The following MARCHF1 variants were observed in gnomAD, a reference collection of about 807,000 sequenced individuals.
MARCHF1 encodes the protein membrane associated ring-CH-type finger 1.
MARCHF1 carries 40 observed loss-of-function variants against 54.2 expected under a neutral mutation model. The ratio of observed to expected loss-of-function variants is 0.74; its 90% CI spans 0.57 to 0.96. MARCHF1 has a LOEUF of 0.96. MARCHF1 is among the 40% of genes least tolerant of loss of function. The pLI is 0.00. For missense variants in MARCHF1, 586 were observed against 656.5 expected, an observed-to-expected ratio of 0.89 and a Z score of 1.17; for synonymous variants, 236 against 236.3, an observed-to-expected ratio of 1.00 and a Z score of 0.01.
chr4:164,169,431 T>C (rs769277777), intron 1 of MARCHF1, among the ~76,000 whole-genome samples: 2 of 152,032 alleles, frequency 1.3e-5, no homozygotes, highest in Non-Finnish European at 2.9e-5. Flanking sequence ...GTGAAGCCAG[T>C]TAAAGGCTTT....
chr4:164,018,491 G>A (rs1303955822), intron 2 of MARCHF1, among the ~76,000 whole-genome samples: 1 of 151,722 alleles, frequency 6.6e-6, no homozygotes, highest in Admixed American at 6.6e-5. Flanking sequence ...TCAATAATAG[G>A]AAGACAATCT....
At chr4:164,156,659 C>T (rs1384290707) in intron 1 of MARCHF1, among the ~76,000 whole-genome samples, 1 of 152,210 alleles carries the variant, frequency 6.6e-6, no homozygotes, top group African/African-American at 2.4e-5. Context: ...TGAGCTCAAG[C>T]AATCCACTCA....
rs752328125 is a variant in MARCHF1, at chr4:163,585,770, G to C, written c.1170C>G (p.Thr390=). 6.2e-7 allele frequency: 1 copy of C among 1,607,948 alleles called. No individual in the cohort carries two copies. Among genetic ancestry groups the C allele is most frequent in the Non-Finnish European group, 8.5e-7 (1 of 1,176,364 alleles). Residue 390 remains threonine (T), a synonymous_variant, in exon 8 of 10, where the codon ACC becomes ACG. Coordinates refer to ENST00000514618, the MANE Select transcript of MARCHF1 (RefSeq NM_001394959.1). ...ELCKYDFIME[T]KLKPLRKWEK... is the part of the protein sequence containing the mutation. ...GTACCTTCCGGAGGGGTTTGAGCTT[G>C]GTCTCCATTATGAAGTCATACTTGC... is the stretch of plus-strand genomic sequence containing the variant.
At chr4:164,297,869 G>T (rs1044084184) in intron 1 of MARCHF1, among the ~76,000 whole-genome samples, 4 of 152,094 alleles carry the variant, frequency 2.6e-5, no homozygotes, top group Non-Finnish European at 5.9e-5. Flanking sequence ...GTCAACAAAT[G>T]TAAAAGCCAT....
intron 1 of MARCHF1, among the ~76,000 whole-genome samples, chr4:164,137,135 A>C (rs140239999): frequency 6.8e-4 from 104 of 152,318 alleles, no homozygotes; most frequent in Middle Eastern, 3.4e-3. Context: ...AAATATTGCT[A>C]TTTTAATGTT....
chr4:164,062,236 G>A (rs1157169157), intron 2 of MARCHF1, among the ~76,000 whole-genome samples: 1 of 151,988 alleles, frequency 6.6e-6, no homozygotes, highest in Non-Finnish European at 1.5e-5. Flanking sequence ...ACATTGACAG[G>A]CTTTGCTTCT....
chr4:163,784,522 G>C (rs927215830), intron 4 of MARCHF1, among the ~76,000 whole-genome samples: 1 of 152,062 alleles, frequency 6.6e-6, no homozygotes, highest in African/African-American at 2.4e-5. Flanking sequence ...TGGAGCTCTA[G>C]GACAAGTTTG....
chr4:164,000,023 G>T (rs1753155923), intron 2 of MARCHF1, among the ~76,000 whole-genome samples: 1 of 151,772 alleles, frequency 6.6e-6, no homozygotes, highest in East Asian at 1.9e-4. Flanking sequence ...GATTGATCAT[G>T]GATCCCTGAT....
chr4:164,173,533 T>C (rs1402925295), intron 1 of MARCHF1, among the ~76,000 whole-genome samples: 1 of 152,172 alleles, frequency 6.6e-6, no homozygotes, highest in Non-Finnish European at 1.5e-5. Context: ...TAATCTTCAG[T>C]GTTAGAGGTG....
chr4:163,834,134 ATTGTAC>A (rs1019599487), intron 4 of MARCHF1, among the ~76,000 whole-genome samples: 1 of 152,230 alleles, frequency 6.6e-6, no homozygotes, highest in African/African-American at 2.4e-5. Context: ...AAGACAAAAA[ATTGTAC>A]TTGTAAATCA....
At chr4:163,631,854 A>C (rs552591809) in intron 5 of MARCHF1, among the ~76,000 whole-genome samples, 1 of 152,344 alleles carries the variant, frequency 6.6e-6, no homozygotes, top group South Asian at 2.1e-4. Flanking sequence ...ATCAAAGGAC[A>C]CAACAGGATG....
At chr4:163,672,823 G>T (rs1021423022) in intron 5 of MARCHF1, among the ~76,000 whole-genome samples, 3 of 152,106 alleles carry the variant, frequency 2.0e-5, no homozygotes, top group African/African-American at 7.2e-5. Context: ...CCAGCTTCTT[G>T]ACGTTTCCTG....
intron 1 of MARCHF1, among the ~76,000 whole-genome samples, chr4:164,318,732 T>C (rs945465031): frequency 1.3e-5 from 2 of 152,176 alleles, no homozygotes; most frequent in Non-Finnish European, 2.9e-5. Flanking sequence ...CAGCATGAAA[T>C]GTGTGTAATG....
intron 7 of MARCHF1, among the ~76,000 whole-genome samples, chr4:163,594,930 C>T (rs778278508): frequency 1.3e-5 from 2 of 152,084 alleles, no homozygotes; most frequent in African/African-American, 2.4e-5. Flanking sequence ...ACCATATGAG[C>T]GAGCAATCCC....
rs1261045630 is a variant in MARCHF1, at chr4:164,079,376, ATAAG to A, written c.-248+32208_-248+32211del. 3.9e-5 allele frequency among the ~76,000 whole-genome samples: 6 copies of A among 152,226 alleles called. No individual in the cohort carries two copies. The East Asian group carries it at 5.8e-4, about 15-fold the overall frequency. Reference sequence around the variant, plus strand: ...TGGAAATGGAAATCAGATGGTCACAATAAGTAAGTTTCTTTAACAAAAAGTAACA... The same window carrying A: ...TGGAAATGGAAATCAGATGGTCACAATAAGTTTCTTTAACAAAAAGTAACA... On this transcript the variant is annotated intron_variant, in intron 2 of 9. Coordinates refer to ENST00000514618, the MANE Select transcript of MARCHF1 (RefSeq NM_001394959.1).
At chr4:164,004,246 C>CATATATATAT (rs70948686) in intron 2 of MARCHF1, among the ~76,000 whole-genome samples, 5,248 of 149,932 alleles carry the variant, frequency 0.035, 179 homozygotes, top group Admixed American at 0.11. Context: ...TGTTTACATA[C>CATATATATAT]ATATATATAT....
At chr4:163,610,705 A>G (rs1245590987) in intron 7 of MARCHF1, among the ~76,000 whole-genome samples, 1 of 152,100 alleles carries the variant, frequency 6.6e-6, no homozygotes, top group East Asian at 1.9e-4. Context: ...TAAGAAATTT[A>G]CATTTATAGG....
intron 4 of MARCHF1, among the ~76,000 whole-genome samples, chr4:163,807,674 T>A (rs553939052): frequency 9.2e-5 from 14 of 152,236 alleles, no homozygotes; most frequent in African/African-American, 3.4e-4. Context: ...TGTTTCAATG[T>A]AAAGAAGAAA....
intron 2 of MARCHF1, among the ~76,000 whole-genome samples, chr4:164,070,381 GAT>G (rs1754837077): frequency 6.6e-6 from 1 of 152,112 alleles, no homozygotes; most frequent in Non-Finnish European, 1.5e-5. Flanking sequence ...AGAGATTTGA[GAT>G]ATTCAGGAAT....
Sources: gnomAD v4.1 joint callset for allele counts (sites outside exome capture counted in the v4.1 genomes callset) on GRCh38, gnomAD v4.1.1 for gene constraint, MANE v1.5 for transcripts, NCBI Gene and HGNC (gene_info 2026-07-23, HGNC 2026-07-21) for gene names.